ZNF718: variants seen among roughly 807,000 people sequenced by gnomAD.
ZNF718 encodes the protein zinc finger protein 718.
In ZNF718, 3 loss-of-function variants were observed where a neutral mutation model predicts 2.6. The observed-to-expected ratio is 1.16, with a 90% CI of 0.53 to 3.01. The LOEUF (loss-of-function observed/expected upper bound fraction) is 3.01. Ranked by LOEUF, ZNF718 falls within the 30% of genes most tolerant of loss-of-function variation. The pLI is 0.03. For missense variants in ZNF718, 468 were observed against 230.0 expected (o/e 2.03, Z -6.69); for synonymous variants, 135 against 77.9 (o/e 1.73, Z -3.86).
At chr4:134,517 C>T (rs1017569426) in intron 3 of ZNF718, among the ~76,000 whole-genome samples, 1 of 152,114 alleles carries the variant, frequency 6.6e-6, no homozygotes, top group Non-Finnish European at 1.5e-5. Context: ...AAAAATGACA[C>T]TAAAATTTTC....
intron 3 of ZNF718, among the ~76,000 whole-genome samples, chr4:199,839 C>T (rs1238236540): frequency 6.6e-6 from 1 of 152,180 alleles, no homozygotes; most frequent in Non-Finnish European, 1.5e-5. Context: ...CACACCAAGC[C>T]TTCTGCCTGG....
At chr4:133,195 A>AAATATAT (rs1258303094) in intron 3 of ZNF718, among the ~76,000 whole-genome samples, 4 of 20,774 alleles carry the variant, frequency 1.9e-4, no homozygotes, top group Admixed American at 7.4e-4. Flanking sequence ...AAAAAAAAAA[A>AAATATAT]ATATATATAT....
At chr4:151,938 CA>C (rs1716342900) in intron 3 of ZNF718, among the ~76,000 whole-genome samples, 1 of 150,810 alleles carries the variant, frequency 6.6e-6, no homozygotes, top group Non-Finnish European at 1.5e-5. Context: ...GGGTGTTTCT[CA>C]AAGAGGGGGA....
chr4:152,896 A>G (rs1281493522), intron 3 of ZNF718, among the ~76,000 whole-genome samples: 1 of 144,524 alleles, frequency 6.9e-6, no homozygotes, highest in African/African-American at 2.4e-5. Context: ...CTCTGTTGGG[A>G]TTTTTTTGCT....
chr4:156,610 TA>T (rs1301696132), intron 3 of ZNF718, among the ~76,000 whole-genome samples: 2 of 152,188 alleles, frequency 1.3e-5, no homozygotes. Flanking sequence ...CTCTACACAT[TA>T]AAAAACCATG....
chr4:198,025 G>A (rs1318674688), intron 3 of ZNF718, among the ~76,000 whole-genome samples: 13 of 152,032 alleles, frequency 8.6e-5, no homozygotes, highest in Non-Finnish European at 8.8e-5. Flanking sequence ...ATAGAGGCAT[G>A]GTCTCCAACC....
chr4:182,724 C>T (rs1475031955), intron 3 of ZNF718, among the ~76,000 whole-genome samples: 8 of 151,950 alleles, frequency 5.3e-5, no homozygotes, highest in South Asian at 4.2e-4. Flanking sequence ...TGAGCCACTG[C>T]GTTTGGCTTG....
chr4:135,855 G>T (rs1326223013), intron 3 of ZNF718, among the ~76,000 whole-genome samples: 1 of 150,932 alleles, frequency 6.6e-6, no homozygotes, highest in African/African-American at 2.4e-5. Flanking sequence ...TTAGTAATAT[G>T]TTAAGATAGA....
At position 200,230 on chromosome 4, in the gene ZNF718, AAGG is replaced by A. The variant is rs199634566; in HGVS notation, c.227-844_227-842del. Among the ~76,000 whole-genome samples the A allele has an allele frequency of 8.6e-3, 1,302 of 152,228 alleles. 17 individuals are homozygous for A. Among genetic ancestry groups the A allele is most frequent in the Middle Eastern group, 0.061 (18 of 294 alleles). On this transcript the variant is annotated intron_variant and NMD_transcript_variant, in intron 3 of 4. Transcript: ENST00000642529. ...ACAATCGGATACAAAACTGGGGAGG[AAGG>A]AGGAGGTTTTTTTTTTTGTTTGTTT... is the stretch of plus-strand genomic sequence containing the variant.
At chr4:137,889 C>A (rs1715642982) in intron 3 of ZNF718, among the ~76,000 whole-genome samples, 1 of 152,116 alleles carries the variant, frequency 6.6e-6, no homozygotes, top group East Asian at 1.9e-4. Context: ...ATTGCCAAGA[C>A]CAATGTCATA....
downstream of ZNF718, among the ~76,000 whole-genome samples, chr4:168,771 C>T (rs367584144): frequency 3.9e-5 from 6 of 152,088 alleles, no homozygotes; most frequent in East Asian, 7.7e-4. Context: ...TGCTAGTGGT[C>T]TATCAATTTT....
intron 3 of ZNF718, among the ~76,000 whole-genome samples, chr4:198,133 A>T (rs1553822289): frequency 1.5e-4 from 23 of 152,160 alleles, no homozygotes; most frequent in Non-Finnish European, 1.0e-4. Flanking sequence ...GCTGCAGAAG[A>T]TGCCATAGAC....
At chr4:169,229 T>C (rs1717166536) in intron 3 of ZNF718, among the ~76,000 whole-genome samples, 1 of 152,164 alleles carries the variant, frequency 6.6e-6, no homozygotes, top group Non-Finnish European at 1.5e-5. Context: ...AGTGTTATAA[T>C]TTCTGTTCTT....
intron 1 of ZNF718, chr4:125,226 A>C (rs1715151989): frequency 6.5e-6 from 1 of 153,576 alleles, no homozygotes; most frequent in Non-Finnish European, 1.4e-5. Context: ...GCTGTTCCTG[A>C]ATACGCTGGT....
intron 3 of ZNF718, among the ~76,000 whole-genome samples, chr4:147,091 C>T (rs1716100972): frequency 6.6e-6 from 1 of 152,160 alleles, no homozygotes; most frequent in Non-Finnish European, 1.5e-5. Context: ...TTGCCTCAGC[C>T]TCCCAATTAG....
At chr4:156,683 T>C (rs1255446740) in intron 3 of ZNF718, among the ~76,000 whole-genome samples, 1 of 152,228 alleles carries the variant, frequency 6.6e-6, no homozygotes, top group African/African-American at 2.4e-5. Context: ...CAGACTGTTT[T>C]AGATAGCTTA....
At chr4:158,575 T>C (rs1404009263) in intron 3 of ZNF718, among the ~76,000 whole-genome samples, 1 of 151,892 alleles carries the variant, frequency 6.6e-6, no homozygotes, top group Non-Finnish European at 1.5e-5. Context: ...TTTAAAATAA[T>C]ATATTTTAAA....
intron 3 of ZNF718, among the ~76,000 whole-genome samples, chr4:200,067 A>G (rs992858224): frequency 6.6e-6 from 1 of 152,242 alleles, no homozygotes; most frequent in Admixed American, 6.5e-5. Flanking sequence ...CACAGATACA[A>G]TGTATTTTGT....
Position 161,116 on chromosome 4 carries a change from A to G in ZNF718, c.431A>G (p.Gln144Arg). ...CLLTTQKKTI[Q>R]SNICVKVFHK... Reference sequence around the variant, plus strand: ...TTAACTACCCAGAAAAAAACAATTCAATCTAATATATGTGTCAAAGTTTTT... The same window carrying G: ...TTAACTACCCAGAAAAAAACAATTCGATCTAATATATGTGTCAAAGTTTTT... Residue 144 changes from glutamine to arginine, a missense_variant, in exon 4 of 4, where the codon CAA becomes CGA. Gln to Arg is a conservative substitution (Grantham distance 43, BLOSUM62 1). Transcript: ENST00000510175. 1.3e-6 allele frequency: 1 copy of G among 762,922 alleles called. No individual in the cohort carries two copies. Among genetic ancestry groups the G allele is most frequent in the South Asian group, 1.4e-5 (1 of 72,976 alleles). 47.3% of individuals were successfully genotyped at this position (762,922 alleles called of 1,614,324 possible).
Sources: allele counts gnomAD v4.1 joint callset (sites outside exome capture counted in the v4.1 genomes callset), GRCh38; gene constraint gnomAD v4.1.1; transcripts MANE v1.5; gene names NCBI Gene and HGNC (gene_info 2026-07-23, HGNC 2026-07-21).